MYO3A: variants seen among roughly 807,000 people sequenced by gnomAD.
MYO3A encodes myosin-IIIa.
In MYO3A, 180 loss-of-function variants were observed where a neutral mutation model predicts 192.7. The observed-to-expected ratio is 0.93, with a 90% confidence interval of 0.83 to 1.06. MYO3A has a LOEUF of 1.06. Among genes scored for constraint, MYO3A ranks in the 50% least tolerant of loss-of-function variants. The pLI is 0.00. For missense variants in MYO3A, 1,896 were observed against 1,905.0 expected (o/e 1.00, Z 0.09); for synonymous variants, 628 against 645.3 (o/e 0.97, Z 0.41).
chr10:26,144,085 G>A (rs540068428), intron 21 of MYO3A, among the ~76,000 whole-genome samples: 1 of 152,098 alleles, frequency 6.6e-6, no homozygotes, highest in Admixed American at 6.5e-5. Context: ...ATAATCCTAA[G>A]TCATCAAAGT....
chr10:26,076,590 A>C (rs962024948), intron 14 of MYO3A, among the ~76,000 whole-genome samples: 2 of 152,092 alleles, frequency 1.3e-5, no homozygotes, highest in African/African-American at 4.8e-5. Flanking sequence ...CAATGTCTAA[A>C]AGGGTTTTTC....
intron 6 of MYO3A, among the ~76,000 whole-genome samples, chr10:26,007,721 G>T (rs1056336155): frequency 6.6e-5 from 10 of 150,528 alleles, no homozygotes; most frequent in African/African-American, 2.2e-4. Context: ...CACTGCTCAA[G>T]GAAATAAAAG....
intron 6 of MYO3A, among the ~76,000 whole-genome samples, chr10:26,012,795 C>G (rs556083582): frequency 6.3e-4 from 95 of 151,872 alleles, no homozygotes; most frequent in African/African-American, 1.9e-3. Flanking sequence ...CAATCCTAAG[C>G]AAAAAACAAA....
intron 2 of MYO3A, among the ~76,000 whole-genome samples, chr10:25,947,298 A>T (rs1171645702): frequency 2.0e-5 from 3 of 151,322 alleles, no homozygotes; most frequent in South Asian, 4.2e-4. Flanking sequence ...GATTTTGTAC[A>T]GTCTGTCTTA....
At chr10:25,973,559 G>A (rs1838792266) in intron 4 of MYO3A, among the ~76,000 whole-genome samples, 2 of 152,102 alleles carry the variant, frequency 1.3e-5, no homozygotes, top group Admixed American at 1.3e-4. Context: ...TCATGTGCTG[G>A]TTTTCATAGG....
Position 25,955,899 on chromosome 10 carries a change from C to T in MYO3A, c.303+891C>T, listed in dbSNP as rs147421631. On this transcript the variant is annotated intron_variant, in intron 4 of 34. Transcript: ENST00000642920. ...GCATTGTCTTAGTCTGTTTGTGCTGCTATAACAAAAATCCACACACTAGGT... is the reference window on the plus strand; with the variant it reads ...GCATTGTCTTAGTCTGTTTGTGCTGTTATAACAAAAATCCACACACTAGGT... Among the ~76,000 whole-genome samples the T allele has an allele frequency of 1.6e-4, 24 of 152,106 alleles. 1 individual carries two copies. Among genetic ancestry groups the T allele is most frequent in the African/African-American group, 5.8e-4 (24 of 41,448 alleles).
Position 26,177,005 on chromosome 10 carries a change from G to T in MYO3A, c.4438+160G>T, listed in dbSNP as rs187277149. On this transcript the variant is annotated intron_variant, in intron 31 of 34. Transcript: ENST00000642920. ...CTTATATGGAGATACAGTTTTTTTA[G>T]GATGTTCTACCCACTTTCTACCTTC... Among the ~76,000 whole-genome samples, 2,378 of 151,962 alleles carry T rather than the reference G, an allele frequency of 0.016. 49 individuals are homozygous for T. The highest frequency in any genetic ancestry group is 0.054 in the African/African-American group (2,239 of 41,454).
At chr10:25,977,445 C>T (rs1742849053) in intron 4 of MYO3A, among the ~76,000 whole-genome samples, 1 of 152,104 alleles carries the variant, frequency 6.6e-6, no homozygotes, top group African/African-American at 2.4e-5. Context: ...TGGTCAGGTT[C>T]ATGTGAGCCT....
At chr10:25,935,463 T>C (rs925571105) in intron 1 of MYO3A, among the ~76,000 whole-genome samples, 1 of 152,248 alleles carries the variant, frequency 6.6e-6, no homozygotes, top group African/African-American at 2.4e-5. Context: ...CTAGTTTTCT[T>C]GGTGAATTAA....
chr10:26,068,314 T>G (rs1003577456), intron 11 of MYO3A, among the ~76,000 whole-genome samples: 1 of 152,120 alleles, frequency 6.6e-6, no homozygotes, highest in African/African-American at 2.4e-5. Context: ...TTTAAAATTT[T>G]TCATAGTACT....
intron 6 of MYO3A, among the ~76,000 whole-genome samples, chr10:26,012,425 G>A (rs1447281350): frequency 6.6e-6 from 1 of 152,078 alleles, no homozygotes; most frequent in African/African-American, 2.4e-5. Context: ...ACACAAATCA[G>A]TAGCCCTGCT....
At chr10:26,067,566 G>T (rs1834931002) in intron 11 of MYO3A, among the ~76,000 whole-genome samples, 1 of 152,074 alleles carries the variant, frequency 6.6e-6, no homozygotes, top group African/African-American at 2.4e-5. Flanking sequence ...CTGTTACCAT[G>T]GTCAGTGTTC....
At chr10:26,051,227 C>T (rs1318078396) in intron 10 of MYO3A, among the ~76,000 whole-genome samples, 1 of 152,106 alleles carries the variant, frequency 6.6e-6, no homozygotes, top group East Asian at 1.9e-4. Context: ...TTCTTTATCA[C>T]TGTATCAAAT....
chr10:26,017,178 G>A (rs1842029605), intron 7 of MYO3A, among the ~76,000 whole-genome samples: 1 of 152,102 alleles, frequency 6.6e-6, no homozygotes, highest in African/African-American at 2.4e-5. Context: ...TAGGTGTTTA[G>A]CATGTATCTG....
intron 26 of MYO3A, 132 bp from the exon 27 acceptor site, chr10:26,165,935 C>T: frequency 1.2e-6 from 1 of 803,724 alleles, no homozygotes; most frequent in Non-Finnish European, 2.2e-6. Flanking sequence ...TCTGAGGATG[C>T]CTAAAGGATT....
chr10:25,998,052 A>G (rs957394249), intron 6 of MYO3A, among the ~76,000 whole-genome samples: 1 of 152,188 alleles, frequency 6.6e-6, no homozygotes, highest in Non-Finnish European at 1.5e-5. Flanking sequence ...TAACCTGTGT[A>G]TACTTCCTTG....
intron 6 of MYO3A, among the ~76,000 whole-genome samples, chr10:26,011,658 C>G (rs890338271): frequency 6.6e-6 from 1 of 152,064 alleles, no homozygotes; most frequent in Admixed American, 6.6e-5. Context: ...AGGACCAGAC[C>G]TATTCACTGA....
Position 26,078,130 on chromosome 10 carries a change from C to CT in MYO3A, c.1359+7744dup, listed in dbSNP as rs57336459. Among the ~76,000 whole-genome samples, 324 of 122,280 alleles carry CT rather than the reference C, an allele frequency of 2.6e-3. 7 individuals are homozygous for CT. Among genetic ancestry groups the CT allele is most frequent in the East Asian group, 4.5e-3 (20 of 4,450 alleles). The allele number at this position is 122,280 out of a possible 152,430, so 80.2% of individuals were successfully genotyped here. ...TGCTGTGAATCCATCTGGTCCTGGA[C>CT]TTTTTTTTTTTTTTTGGTAATTTTA... On this transcript the variant is annotated intron_variant, in intron 14 of 34. Coordinates refer to ENST00000642920, the MANE Select transcript of MYO3A (RefSeq NM_017433.5).
chr10:26,179,896 C>T (rs1001315511), intron 31 of MYO3A, among the ~76,000 whole-genome samples: 11 of 152,168 alleles, frequency 7.2e-5, no homozygotes, highest in African/African-American at 7.2e-5. Flanking sequence ...TGCAGTGGCA[C>T]GACCTCGGCT....
Sources: allele counts gnomAD v4.1 joint callset (sites outside exome capture counted in the v4.1 genomes callset), GRCh38; gene constraint gnomAD v4.1.1; transcripts MANE v1.5; gene names NCBI Gene and HGNC (gene_info 2026-07-23, HGNC 2026-07-21).